The following SUSD4 variants were observed in gnomAD, a reference collection of about 807,000 sequenced individuals.
SUSD4 encodes sushi domain containing 4.
SUSD4 carries 41 observed loss-of-function variants against 50.5 expected under a neutral mutation model. The observed-to-expected ratio is 0.81, with a 90% confidence interval of 0.63 to 1.05. The LOEUF is 1.05. SUSD4 is among the 50% of genes least tolerant of loss of function. SUSD4 has a pLI of 0.00. For synonymous variants in SUSD4, 257 were observed against 257.3 expected (o/e 1.00, Z 0.01); for missense variants, 580 against 634.7 (o/e 0.91, Z 0.93).
intron 2 of SUSD4, among the ~76,000 whole-genome samples, chr1:223,307,273 A>C (rs1378538102): frequency 1.3e-5 from 2 of 152,180 alleles, no homozygotes; most frequent in Non-Finnish European, 2.9e-5. Flanking sequence ...TTTTTTATGA[A>C]ATCAAATTTC....
intron 7 of SUSD4, among the ~76,000 whole-genome samples, chr1:223,224,632 G>A (rs1659372534): frequency 6.6e-6 from 1 of 152,180 alleles, no homozygotes; most frequent in African/African-American, 2.4e-5. Context: ...GGCTCCAGGA[G>A]CGGCGGCAAA....
At chr1:223,326,317 G>C (rs1281926484) in intron 2 of SUSD4, among the ~76,000 whole-genome samples, 1 of 152,098 alleles carries the variant, frequency 6.6e-6, no homozygotes, top group African/African-American at 2.4e-5. Context: ...AATGAAACTG[G>C]ATACTTACCT....
chr1:223,317,834 CTTTTTTTTTTTTTTTTCTTTTT>C (rs1014325869), intron 2 of SUSD4, among the ~76,000 whole-genome samples: 15 of 80,162 alleles, frequency 1.9e-4, no homozygotes, highest in Non-Finnish European at 9.4e-5. Flanking sequence ...GCTTGCCCTT[CTTTTTTTTTTTTTTTTCTTTTT>C]TTTTTTTTTT....
At chr1:223,267,149 G>C (rs1192174630) in intron 4 of SUSD4, among the ~76,000 whole-genome samples, 3 of 152,168 alleles carry the variant, frequency 2.0e-5, no homozygotes, top group African/African-American at 7.2e-5. Context: ...GGCAACAGTG[G>C]CCAGAAAGAG....
chr1:223,264,566 T>C (rs1662346666), intron 5 of SUSD4, 64 bp downstream of exon 5: 2 of 1,592,116 alleles, frequency 1.3e-6, no homozygotes, highest in Non-Finnish European at 1.7e-6. Context: ...CTCTTCCTCC[T>C]ACTGATCTTC....
chr1:223,224,995 G>A (rs1317292665), intron 7 of SUSD4, among the ~76,000 whole-genome samples: 1 of 149,428 alleles, frequency 6.7e-6, no homozygotes, highest in African/African-American at 2.5e-5. Flanking sequence ...TCAGCCTCCC[G>A]AGTAGCTGGG....
intron 5 of SUSD4, among the ~76,000 whole-genome samples, chr1:223,234,162 G>C (rs900115768): frequency 1.3e-5 from 2 of 152,184 alleles, no homozygotes; most frequent in African/African-American, 4.8e-5. Flanking sequence ...CTGAGGCATG[G>C]GACCTGAAGT....
At position 223,363,359 on chromosome 1, in the gene SUSD4, G is replaced by A. The variant is rs771242966; in HGVS notation, c.67C>T (p.Pro23Ser). The A allele has an allele frequency of 5.6e-6, 9 of 1,605,626 alleles. No individual in the cohort carries two copies. Among genetic ancestry groups the A allele is most frequent in the Middle Eastern group, 1.7e-4 (1 of 6,056 alleles). ...FLEQQQQQQQ[P>S]QSPQRLLAVI... ...GCCAAGAGTCTCTGGGGGGACTGAG[G>A]TTGCTGCTGCTGCTGCTGCTGCTCT... Residue 23 changes from proline (P) to serine (S), a missense_variant, in exon 2 of 9, where the codon CCT becomes TCT. Transcript: ENST00000366878.
intron 2 of SUSD4, among the ~76,000 whole-genome samples, chr1:223,321,207 G>C (rs541147731): frequency 5.3e-5 from 8 of 152,304 alleles, no homozygotes; most frequent in Admixed American, 5.2e-4. Flanking sequence ...TCCAGGCTCA[G>C]GTACCAGACC....
At chr1:223,348,369 C>A (rs1668160053) in intron 2 of SUSD4, among the ~76,000 whole-genome samples, 1 of 152,118 alleles carries the variant, frequency 6.6e-6, no homozygotes, top group Non-Finnish European at 1.5e-5. Context: ...TGAATCTTAC[C>A]TATCATTCAT....
chr1:223,274,758 A>G (rs891431240), intron 3 of SUSD4, among the ~76,000 whole-genome samples: 6 of 152,208 alleles, frequency 3.9e-5, no homozygotes, highest in Non-Finnish European at 7.3e-5. Flanking sequence ...AGGGACTGAG[A>G]CTGCTACACA....
chr1:223,337,627 C>A (rs562134189), intron 2 of SUSD4, among the ~76,000 whole-genome samples: 2 of 152,306 alleles, frequency 1.3e-5, no homozygotes, highest in Admixed American at 1.3e-4. Flanking sequence ...AGCCTGGAAG[C>A]CCAGACTCCA....
At position 223,221,619 on chromosome 1, in the gene SUSD4, G is replaced by C. The variant is rs1385047295; in HGVS notation, c.*573C>G. The stretch of plus-strand genomic sequence containing the variant: ...TCCTGCTTTCGTCTTGCTTCGAGTA[G>C]AGTTGTCTGGATGAAGGAAGATTCT... On this transcript the variant is annotated 3_prime_UTR_variant, in exon 9 of 9. Coordinates refer to ENST00000366878, the MANE Select transcript of SUSD4 (RefSeq NM_017982.4). 1 of 153,834 alleles carries C rather than the reference G, an allele frequency of 6.5e-6. No homozygotes were observed. Among genetic ancestry groups the C allele is most frequent in the Non-Finnish European group, 1.4e-5 (1 of 69,268 alleles). 9.5% of individuals were successfully genotyped at this position (153,834 alleles called of 1,614,324 possible). A position where few individuals can be genotyped will look rare whatever the true frequency, so the allele number is the denominator to read the frequency against.
At chr1:223,281,933 C>T (rs1406125574) in intron 3 of SUSD4, among the ~76,000 whole-genome samples, 4 of 152,208 alleles carry the variant, frequency 2.6e-5, no homozygotes, top group African/African-American at 7.2e-5. Context: ...GCTGGTTCAA[C>T]ATACGCAAAT....
chr1:223,296,821 G>A (rs929912005), intron 2 of SUSD4, among the ~76,000 whole-genome samples: 3 of 152,196 alleles, frequency 2.0e-5, no homozygotes, highest in African/African-American at 4.8e-5. Flanking sequence ...CCTTGCTGCC[G>A]CCATGTGAAG....
intron 1 of SUSD4, chr1:223,363,663 G>T: frequency 1.9e-6 from 1 of 521,500 alleles, no homozygotes. Flanking sequence ...GCCGCCGTGG[G>T]ATGCTGCGCG....
intron 2 of SUSD4, among the ~76,000 whole-genome samples, chr1:223,346,525 GC>G (rs1668045452): frequency 6.6e-6 from 1 of 152,048 alleles, no homozygotes; most frequent in South Asian, 2.1e-4. Context: ...GTGCCCCCCA[GC>G]CTGGAAGCAG....
At chr1:223,344,811 A>G (rs1330543509) in intron 2 of SUSD4, among the ~76,000 whole-genome samples, 7 of 152,198 alleles carry the variant, frequency 4.6e-5, no homozygotes, top group Non-Finnish European at 1.0e-4. Context: ...GGGTAGGCAG[A>G]TTGCTTCCTT....
At chr1:223,354,015 G>C (rs1345250497) in intron 2 of SUSD4, among the ~76,000 whole-genome samples, 1 of 150,920 alleles carries the variant, frequency 6.6e-6, no homozygotes, top group Admixed American at 6.6e-5. Flanking sequence ...TGGGCAACAA[G>C]AGTGAAACGT....
Sources: gnomAD v4.1 joint callset for allele counts (sites outside exome capture counted in the v4.1 genomes callset) on GRCh38, gnomAD v4.1.1 for gene constraint, MANE v1.5 for transcripts, NCBI Gene and HGNC (gene_info 2026-07-23, HGNC 2026-07-21) for gene names.